RAG1: variants seen among roughly 807,000 people sequenced by gnomAD.
RAG1 encodes the protein V(D)J recombination-activating protein 1.
Under a neutral mutation model 62.7 loss-of-function variants are expected in RAG1, and 35 were observed. The ratio of observed to expected loss-of-function variants is 0.56; its 90% CI spans 0.43 to 0.74. The LOEUF is 0.74. RAG1 is among the 30% of genes least tolerant of loss of function. The pLI, the probability that RAG1 is intolerant of heterozygous loss-of-function variation, is 0.00. For missense variants in RAG1, 1,169 were observed against 1,278.6 expected, an observed-to-expected ratio of 0.91 and a Z score of 1.31; for synonymous variants, 461 against 470.3, an observed-to-expected ratio of 0.98 and a Z score of 0.26.
chr11:36,527,790 C>A (rs1860188024), intron 2 of RAG1, among the ~76,000 whole-genome samples: 1 of 152,084 alleles, frequency 6.6e-6, no homozygotes, highest in African/African-American at 2.4e-5. Flanking sequence ...TCCTTCACAT[C>A]CTTTGTAAGC....
At chr11:36,538,539 G>A (rs771434213), downstream of RAG1, among the ~76,000 whole-genome samples, 5 of 152,126 alleles carry the variant, frequency 3.3e-5, no homozygotes, top group Non-Finnish European at 7.4e-5. Context: ...TTAGTTTCAC[G>A]CATTTTCTTT....
In RAG1 at chr11:36,573,666, A is replaced by C. The variant is rs780167146; in HGVS notation, c.362A>C (p.Asp121Ala). 6.2e-7 allele frequency: 1 copy of C among 1,614,154 alleles called. No homozygotes were observed. ...CRICGNSFRA[D>A]EHNRRYPVHG... ...ATCTGTGGGAATTCTTTTAGAGCTG[A>C]TGAGCACAACAGGAGATATCCAGTC... Residue 121 changes from aspartate (D) to alanine (A), a missense_variant, in exon 2 of 2, where the codon GAT becomes GCT. Physicochemically the swap from Asp to Ala is moderately radical, Grantham distance 126. Coordinates refer to ENST00000299440, the MANE Select transcript of RAG1 (RefSeq NM_000448.3).
At chr11:36,569,730 TAATAA>T (rs141557519) in intron 1 of RAG1, among the ~76,000 whole-genome samples, 1,931 of 152,294 alleles carry the variant, frequency 0.013, 34 homozygotes, top group African/African-American at 0.044. Flanking sequence ...ATACAAAAAT[TAATAA>T]AATAAAAAGT....
intron 1 of RAG1, among the ~76,000 whole-genome samples, chr11:36,516,797 T>G (rs1860002730): frequency 6.6e-6 from 1 of 152,242 alleles, no homozygotes; most frequent in African/African-American, 2.4e-5. Context: ...TATTATTGCT[T>G]AACATGTTCA....
intron 1 of RAG1, among the ~76,000 whole-genome samples, chr11:36,517,155 G>A (rs776691948): frequency 6.6e-6 from 1 of 152,166 alleles, no homozygotes; most frequent in Non-Finnish European, 1.5e-5. Flanking sequence ...TTTGTGATAT[G>A]ATTTCCCAAA....
chr11:36,564,032 T>C (rs1051256444), upstream of RAG1, among the ~76,000 whole-genome samples: 16 of 152,198 alleles, frequency 1.1e-4, no homozygotes, highest in African/African-American at 3.9e-4. Context: ...AAACAATGCC[T>C]TACTATTTTG....
intron 3 of RAG1, among the ~76,000 whole-genome samples, chr11:36,557,751 T>A (rs1479634111): frequency 1.3e-5 from 2 of 152,248 alleles, no homozygotes; most frequent in Non-Finnish European, 2.9e-5. Flanking sequence ...GTAACAATAA[T>A]GAACCCTCTC....
downstream of RAG1, among the ~76,000 whole-genome samples, chr11:36,539,282 G>C (rs1860378584): frequency 6.6e-6 from 1 of 152,152 alleles, no homozygotes; most frequent in African/African-American, 2.4e-5. Flanking sequence ...CAAAGGGAGA[G>C]GCCTCAAGAG....
chr11:36,568,448 T>C (rs1850690477), intron 1 of RAG1, among the ~76,000 whole-genome samples: 1 of 152,156 alleles, frequency 6.6e-6, no homozygotes, highest in Non-Finnish European at 1.5e-5. Flanking sequence ...TGAATACTGG[T>C]AGTTCAGGTG....
chr11:36,547,532 G>T (rs1302515426), intron 3 of RAG1, among the ~76,000 whole-genome samples: 1 of 152,092 alleles, frequency 6.6e-6, no homozygotes, highest in African/African-American at 2.4e-5. Context: ...TAGAAGAAAT[G>T]GATAAATTCA....
intron 1 of RAG1, among the ~76,000 whole-genome samples, chr11:36,518,113 G>C (rs1329203049): frequency 6.6e-6 from 1 of 151,208 alleles, no homozygotes; most frequent in Non-Finnish European, 1.5e-5. Flanking sequence ...CCTTGCGATA[G>C]TTTGCTGAGA....
chr11:36,572,923 A>G (rs1335780918), intron 1 of RAG1, among the ~76,000 whole-genome samples: 1 of 152,202 alleles, frequency 6.6e-6, no homozygotes, highest in East Asian at 1.9e-4. Context: ...TAGCCTGTTT[A>G]TCTTTACATT....
At chr11:36,538,645 C>T (rs1330368335), downstream of RAG1, among the ~76,000 whole-genome samples, 7 of 152,122 alleles carry the variant, frequency 4.6e-5, no homozygotes, top group African/African-American at 1.2e-4. Context: ...AGTTTTCGAG[C>T]GGTTTTTTGA....
At position 36,512,337 on chromosome 11, in the gene RAG1, A is replaced by G. The variant is rs1859938085; in HGVS notation, n.330+1299A>G. Among the ~76,000 whole-genome samples the G allele has an allele frequency of 2.0e-5, 3 of 152,350 alleles. No homozygotes were observed. In the Middle Eastern group the frequency reaches 0.01, roughly 518 times the overall value. ...ATCACTCAGTTGATGTATGAAGGGC[A>G]GTTGCCTTGGAAAGTCAATCCACCT... On this transcript the variant is annotated intron_variant and non_coding_transcript_variant, in intron 1 of 2. Coordinates refer to the RAG1 transcript ENST00000529126.
intron 1 of RAG1, among the ~76,000 whole-genome samples, chr11:36,512,026 T>C (rs1859931743): frequency 6.6e-6 from 1 of 152,236 alleles, no homozygotes; most frequent in African/African-American, 2.4e-5. Flanking sequence ...TTTCTTTACA[T>C]TGTTTTCATA....
chr11:36,532,927 AG>A (rs1359855209), intron 2 of RAG1, among the ~76,000 whole-genome samples: 5 of 152,346 alleles, frequency 3.3e-5, no homozygotes, highest in Middle Eastern at 3.4e-3. Context: ...ACTTTATCAT[AG>A]GTATAAATGT....
At chr11:36,525,465 T>G (rs1860146030) in intron 2 of RAG1, among the ~76,000 whole-genome samples, 1 of 152,166 alleles carries the variant, frequency 6.6e-6, no homozygotes, top group Non-Finnish European at 1.5e-5. Context: ...GTGTTAGATT[T>G]GTGTATTAAT....
In RAG1 at chr11:36,576,460, GT is replaced by G. The variant is rs758914667; in HGVS notation, c.*29del. On this transcript the variant is annotated 3_prime_UTR_variant, in exon 2 of 2. Coordinates refer to ENST00000299440, the MANE Select transcript of RAG1 (RefSeq NM_000448.3). The stretch of plus-strand genomic sequence containing the variant: ...AAGTAGGGCAACCACTTATGAGTTG[GT>G]TTTTGCAATTGAGTTTCCCTCTGGG... 1 of 1,613,396 alleles carries G rather than the reference GT, an allele frequency of 6.2e-7. No individual in the cohort carries two copies. The highest frequency in any genetic ancestry group is 1.1e-5 in the South Asian group (1 of 91,078).
Position 36,575,424 on chromosome 11 carries a change from G to A in RAG1, c.2120G>A (p.Gly707Asp). 1 of 1,614,088 alleles carries A rather than the reference G, an allele frequency of 6.2e-7. No homozygotes were observed. The highest frequency in any genetic ancestry group is 8.5e-7 in the Non-Finnish European group (1 of 1,179,970). The change falls in exon 2 of 2, where the codon GGC becomes GAC. Residue 707 changes from glycine to aspartate, a missense_variant. By Grantham distance (94) the Gly-to-Asp change is moderately conservative. This residue lies in a region of RAG1 where 800 missense variants were observed against 943.3 expected (regional missense o/e 0.85). Coordinates refer to ENST00000299440, the MANE Select transcript of RAG1 (RefSeq NM_000448.3). This position sits in a 1 kb window ranked among gnomAD's most constrained non-coding sequence, Gnocchi z 4.1. ...ILRTFKFIFR[G>D]TGYDEKLVRE... is the part of the protein sequence containing the mutation. ...CGGACTTTCAAGTTCATCTTCAGGG[G>A]CACCGGCTATGATGAAAAACTTGTG...
Sources: gnomAD v4.1 joint callset for allele counts (sites outside exome capture counted in the v4.1 genomes callset) on GRCh38, gnomAD v4.1.1 for gene constraint, gnomAD v4.1.1 regional missense constraint, Gnocchi (gnomAD v3.1) non-coding constraint, MANE v1.5 for transcripts, NCBI Gene and HGNC (gene_info 2026-07-23, HGNC 2026-07-21) for gene names.